SMPDL3A: variants seen among roughly 807,000 people sequenced by gnomAD.
The protein encoded by SMPDL3A is sphingomyelin phosphodiesterase acid like 3A.
Under a neutral mutation model 38.5 loss-of-function variants are expected in SMPDL3A, and 39 were observed. The ratio of observed to expected loss-of-function variants is 1.01; its 90% CI spans 0.78 to 1.32. SMPDL3A has a LOEUF of 1.32. Ranked by LOEUF, SMPDL3A falls within the 40% of genes most tolerant of loss-of-function variation. The probability of loss-of-function intolerance (pLI) is 0.00; values close to 1 mark genes in which losing one functional copy is unlikely to be tolerated. For synonymous variants in SMPDL3A, 180 were observed against 194.3 expected, an observed-to-expected ratio of 0.93 and a Z score of 0.61; for missense variants, 502 against 536.2, an observed-to-expected ratio of 0.94 and a Z score of 0.63.
In SMPDL3A at chr6:122,809,506, G is replaced by T; in HGVS notation, c.*98G>T. On this transcript the variant is annotated 3_prime_UTR_variant, in exon 8 of 8. Transcript: ENST00000368440. ...TCTTTGTTAATTACTGAGTGGGCAA[G>T]TAGACTTCCTGTCTTTGCTTTCTTT... The T allele has an allele frequency of 1.2e-6, 1 of 822,442 alleles. No individual in the cohort carries two copies. The highest frequency in any genetic ancestry group is 1.9e-6 in the Non-Finnish European group (1 of 524,282). The allele number at this position is 822,442 out of a possible 1,614,324, so 50.9% of individuals were successfully genotyped here.
At chr6:122,806,508 T>G in intron 7 of SMPDL3A, 151 bp downstream of exon 7, 1 of 788,246 alleles carries the variant, frequency 1.3e-6, no homozygotes, top group Non-Finnish European at 2.0e-6. Flanking sequence ...ACTTGCAATG[T>G]TATCAGGACT....
At chr6:122,801,201 C>T (rs1781419411) in intron 3 of SMPDL3A, 109 bp from the exon 4 acceptor site, 1 of 736,506 alleles carries the variant, frequency 1.4e-6, no homozygotes, top group Non-Finnish European at 2.4e-6. Context: ...TAATAATCAT[C>T]CTTGCATCTC....
intron 7 of SMPDL3A, among the ~76,000 whole-genome samples, chr6:122,807,671 A>G (rs1167905812): frequency 6.6e-6 from 1 of 151,928 alleles, no homozygotes; most frequent in Non-Finnish European, 1.5e-5. Context: ...TAATTTGAAA[A>G]TAATTCACTT....
intron 1 of SMPDL3A, chr6:122,789,706 G>A (rs1582529015): frequency 5.8e-6 from 3 of 512,910 alleles, no homozygotes; most frequent in African/African-American, 2.1e-5. Context: ...CGGTGGGGGC[G>A]CTCCAAGGGC....
intron 1 of SMPDL3A, among the ~76,000 whole-genome samples, chr6:122,794,125 A>C (rs1229474457): frequency 6.6e-6 from 1 of 152,184 alleles, no homozygotes; most frequent in East Asian, 1.9e-4. Flanking sequence ...TTTCTATTTG[A>C]CCCAGCACTG....
In SMPDL3A at chr6:122,803,792, C is replaced by T; in HGVS notation, c.697C>T (p.Leu233=). The part of the protein sequence containing the change: ...KTDPANQFEW[L]ESTLNNSQQN... ...TGACCCAGCCAACCAGTTTGAATGGCTAGAAAGTACATTGAACAACTCTCA... is the reference window on the plus strand; with the variant it reads ...TGACCCAGCCAACCAGTTTGAATGGTTAGAAAGTACATTGAACAACTCTCA... The change falls in exon 5 of 8, where the codon CTA becomes TTA. Residue 233 remains leucine, a synonymous_variant. Coordinates refer to ENST00000368440, the MANE Select transcript of SMPDL3A (RefSeq NM_006714.5). 6.2e-7 allele frequency: 1 copy of T among 1,613,952 alleles called. No homozygotes were observed. The highest frequency in any genetic ancestry group is 8.5e-7 in the Non-Finnish European group (1 of 1,179,986).
At chr6:122,794,429 C>G (rs182217677) in intron 1 of SMPDL3A, among the ~76,000 whole-genome samples, 181 of 152,166 alleles carry the variant, frequency 1.2e-3, no homozygotes, top group African/African-American at 4.2e-3. Flanking sequence ...AACCCCGTCT[C>G]TACTAAAAAT....
At position 122,803,714 on chromosome 6, in the gene SMPDL3A, A is replaced by G. The variant is rs755294423; in HGVS notation, c.619A>G (p.Ser207Gly). The change falls in exon 5 of 8, where the codon AGT becomes GGT. Residue 207 changes from serine (S) to glycine (G), a missense_variant. By Grantham distance (56) the Ser-to-Gly change is moderately conservative. Coordinates refer to ENST00000368440, the MANE Select transcript of SMPDL3A (RefSeq NM_006714.5). ...AACTAATCCAAACCTTAGGATCATC[A>G]GTCTAAACACAAACTTGTACTACGG... ...VTTNPNLRII[S>G]LNTNLYYGPN... The G allele has an allele frequency of 1.2e-5, 20 of 1,613,998 alleles. No individual in the cohort carries two copies. The highest frequency in any genetic ancestry group is 1.7e-5 in the Non-Finnish European group (20 of 1,179,928).
intron 2 of SMPDL3A, 43 bp from the exon 3 acceptor site, chr6:122,796,781 T>C (rs1423760460): frequency 1.3e-6 from 2 of 1,581,796 alleles, no homozygotes; most frequent in East Asian, 2.2e-5. Context: ...AGTAACTCTT[T>C]ATGAAACTGA....
intron 3 of SMPDL3A, 94 bp from the exon 4 acceptor site, chr6:122,801,216 T>C (rs1781419591): frequency 2.5e-6 from 2 of 807,084 alleles, no homozygotes; most frequent in East Asian, 2.5e-5. Context: ...CATCTCTAGA[T>C]GCCTAACGTA....
At chr6:122,791,508 C>G (rs12525092) in intron 1 of SMPDL3A, among the ~76,000 whole-genome samples, 3,715 of 152,228 alleles carry the variant, frequency 0.024, 302 homozygotes, top group Admixed American at 0.18. Flanking sequence ...GCTGAGTGTT[C>G]AAACTATGTT....
intron 3 of SMPDL3A, among the ~76,000 whole-genome samples, chr6:122,797,959 C>A (rs185345957): frequency 8.5e-5 from 13 of 152,244 alleles, no homozygotes; most frequent in Admixed American, 7.8e-4. Context: ...GATCTGTGTT[C>A]GCTTAAACCA....
chr6:122,802,395 T>C (rs1403870479), intron 4 of SMPDL3A, among the ~76,000 whole-genome samples: 1 of 152,002 alleles, frequency 6.6e-6, no homozygotes, highest in African/African-American at 2.4e-5. Flanking sequence ...AGAGATAGGG[T>C]TTCACTATGT....
intron 7 of SMPDL3A, 69 bp from the exon 8 acceptor site, chr6:122,809,021 AC>A (rs1781760532): frequency 3.4e-6 from 4 of 1,169,220 alleles, no homozygotes; most frequent in Non-Finnish European, 5.0e-6. Flanking sequence ...TTAAACATGA[AC>A]GCTTCTTGTT....
In SMPDL3A at chr6:122,809,349, C is replaced by T. The variant is rs759122967; in HGVS notation, c.1303C>T (p.Leu435Phe). 6.2e-7 allele frequency: 1 copy of T among 1,613,822 alleles called. No homozygotes were observed. Among genetic ancestry groups the T allele is most frequent in the South Asian group, 1.1e-5 (1 of 91,070 alleles). The stretch of plus-strand genomic sequence containing the variant: ...CTTTCAGATTTGTGCAATTATGAAT[C>T]TTGATAATATTTCCTATGCAGATTG... The part of the protein sequence containing the change: ...KAFQICAIMN[L>F]DNISYADCLK... The change falls in exon 8 of 8, where the codon CTT becomes TTT. Residue 435 changes from leucine (L) to phenylalanine (F), a missense_variant. Coordinates refer to ENST00000368440, the MANE Select transcript of SMPDL3A (RefSeq NM_006714.5).
Position 122,796,931 on chromosome 6 carries a change from T to C in SMPDL3A, c.434T>C (p.Val145Ala), listed in dbSNP as rs1562349604. 1.9e-6 allele frequency: 3 copies of C among 1,613,810 alleles called. No individual in the cohort carries two copies. The East Asian group carries it at 6.7e-5, about 36-fold the overall frequency. ...CAGAGTCTCTTTCCAAATCTCCAGG[T>C]TTTCCCTGCGCTGGGTAATCATGAC... ...TIQSLFPNLQ[V>A]FPALGNHDYW... The change falls in exon 3 of 8, where the codon GTT becomes GCT. Residue 145 changes from valine (V) to alanine (A), a missense_variant. Physicochemically the swap from Val to Ala is moderately conservative, Grantham distance 64. Coordinates refer to ENST00000368440, the MANE Select transcript of SMPDL3A (RefSeq NM_006714.5).
At chr6:122,808,138 C>T (rs1781697440) in intron 7 of SMPDL3A, among the ~76,000 whole-genome samples, 3 of 152,054 alleles carry the variant, frequency 2.0e-5, no homozygotes, top group South Asian at 4.2e-4. Flanking sequence ...AGTAAGACTC[C>T]ATTTTTTTGA....
At chr6:122,790,929 G>A (rs1781056707) in intron 1 of SMPDL3A, among the ~76,000 whole-genome samples, 1 of 152,158 alleles carries the variant, frequency 6.6e-6, no homozygotes, top group Admixed American at 6.5e-5. Context: ...GGAAGGAAGA[G>A]GGGTTACTGG....
intron 7 of SMPDL3A, 96 bp from the exon 8 acceptor site, chr6:122,808,994 TA>T: frequency 9.8e-7 from 1 of 1,020,438 alleles, no homozygotes; most frequent in Non-Finnish European, 1.5e-6. Flanking sequence ...GCGCCAAGCC[TA>T]AAATGTCACA....
Sources: gnomAD v4.1 joint callset for allele counts (sites outside exome capture counted in the v4.1 genomes callset) on GRCh38, gnomAD v4.1.1 for gene constraint, MANE v1.5 for transcripts, NCBI Gene and HGNC (gene_info 2026-07-23, HGNC 2026-07-21) for gene names.